INTS6: variants seen among roughly 807,000 people sequenced by gnomAD.
The protein encoded by INTS6 is integrator complex subunit 6, also known as DEAD box protein.
Under a neutral mutation model 104.9 loss-of-function variants are expected in INTS6, and 16 were observed. The ratio of observed to expected loss-of-function variants is 0.15; its 90% CI spans 0.10 to 0.23. The LOEUF (loss-of-function observed/expected upper bound fraction) is 0.23. INTS6 is among the 10% of genes least tolerant of loss of function. The pLI is 1.00. For missense variants in INTS6, 584 were observed against 1,062.8 expected (o/e 0.55, Z 6.26); for synonymous variants, 324 against 358.7 (o/e 0.90, Z 1.09).
the INTS6 span, among the ~76,000 whole-genome samples, chr13:51,336,693 A>G: frequency 0.025 from 3,801 of 152,252 alleles, 60 homozygotes; most frequent in South Asian, 0.057. Flanking sequence ...CTTATCAGGC[A>G]CCATGATAAG....
At chr13:51,430,411 C>A in intron 3 of INTS6, 28 bp from the exon 4 acceptor site, 1 of 1,566,212 alleles carries the variant, frequency 6.4e-7, no homozygotes, top group Non-Finnish European at 8.7e-7. Flanking sequence ...ATTGATCATA[C>A]AAAGATTTAG....
At chr13:51,404,121 G>GAC (rs1206656921) in intron 4 of INTS6, among the ~76,000 whole-genome samples, 113 of 149,850 alleles carry the variant, frequency 7.5e-4, no homozygotes, top group South Asian at 1.3e-3. Context: ...GAGAGAGAGA[G>GAC]AGACAACCCA....
intron 3 of INTS6, chr13:51,436,432 C>A (rs1020279284): frequency 1.3e-5 from 2 of 152,100 alleles, no homozygotes; most frequent in African/African-American, 2.4e-5. Flanking sequence ...TGTTCCGATA[C>A]AATTCCTTTA....
intron 4 of INTS6, among the ~76,000 whole-genome samples, chr13:51,397,043 G>A (rs1234892195): frequency 6.6e-6 from 1 of 152,030 alleles, no homozygotes; most frequent in Admixed American, 6.6e-5. Context: ...AAATACTGGA[G>A]TATATTTTTA....
chr13:51,374,482 T>C (rs2137885381), intron 14 of INTS6, 43 bp from the exon 15 acceptor site: 1 of 1,549,646 alleles, frequency 6.5e-7, no homozygotes, highest in Non-Finnish European at 8.8e-7. Context: ...TTACAAACAA[T>C]GTTTAAATGG....
chr13:51,451,720 G>GCGCCAGCGC (rs1953054008), intron 2 of INTS6: 2 of 192,212 alleles, frequency 1.0e-5, no homozygotes, highest in South Asian at 1.6e-4. Context: ...GTTGATAGCA[G>GCGCCAGCGC]CGCCGCCGCC....
chr13:51,376,173 T>A lies in INTS6; in HGVS notation c.1604A>T (p.Asp535Val). 6.2e-7 allele frequency: 1 copy of A among 1,602,534 alleles called. No individual in the cohort carries two copies. The highest frequency in any genetic ancestry group is 1.1e-5 in the South Asian group (1 of 88,222). ...TGFQVALLNKDLKPQTFRNAY... is the reference protein window; with the variant it reads ...TGFQVALLNKVLKPQTFRNAY... Reference sequence around the variant, plus strand: ...ATTTCTAAATGTCTGTGGCTTCAAATCCTATTAAACAACATTCGAGGACAA... The same window carrying A: ...ATTTCTAAATGTCTGTGGCTTCAAAACCTATTAAACAACATTCGAGGACAA... Residue 535 changes from aspartate (D) to valine (V), a missense_variant and splice_region_variant, in exon 13 of 18, where the codon GAT becomes GTT. Transcript: ENST00000311234.
chr13:51,385,764 C>A (rs1015930074), intron 7 of INTS6, among the ~76,000 whole-genome samples: 1 of 152,082 alleles, frequency 6.6e-6, no homozygotes, highest in Non-Finnish European at 1.5e-5. Flanking sequence ...TTTGCCAGTT[C>A]TTTCCAATAT....
At position 51,364,523 on chromosome 13, in the gene INTS6, CACAGCAGT is replaced by C; in HGVS notation, c.*1221_*1228del. 1 of 393,802 alleles carries C rather than the reference CACAGCAGT, an allele frequency of 2.5e-6. No individual in the cohort carries two copies. The highest frequency in any genetic ancestry group is 4.5e-6 in the Non-Finnish European group (1 of 221,240). The allele number at this position is 393,802 out of a possible 1,614,324, so 24.4% of individuals were successfully genotyped here. ...GCTTACCCCCCAAACCACTAAAAGG[CACAGCAGT>C]GATCATGAATGGTGAGTGAGTCAGG... On this transcript the variant is annotated 3_prime_UTR_variant, in exon 18 of 18. Transcript: ENST00000311234.
At chr13:51,342,178 C>CAAAAAAAA in the INTS6 span, among the ~76,000 whole-genome samples, 9 of 63,548 alleles carry the variant, frequency 1.4e-4, no homozygotes, top group African/African-American at 2.1e-4. Flanking sequence ...AAAGACAGAA[C>CAAAAAAAA]AAAAAAAAAA....
At chr13:51,366,881 G>A (rs990425834) in intron 17 of INTS6, among the ~76,000 whole-genome samples, 7 of 152,042 alleles carry the variant, frequency 4.6e-5, no homozygotes, top group African/African-American at 1.7e-4. Flanking sequence ...TAAGCCCCAA[G>A]TTTTCTTATA....
downstream of INTS6, among the ~76,000 whole-genome samples, chr13:51,352,434 G>A (rs1955413865): frequency 6.6e-6 from 1 of 151,134 alleles, no homozygotes; most frequent in Non-Finnish European, 1.5e-5. Flanking sequence ...AATCTTGTAT[G>A]CTGTACCTTA....
At chr13:51,403,466 C>T (rs1474327000) in intron 4 of INTS6, among the ~76,000 whole-genome samples, 1 of 151,754 alleles carries the variant, frequency 6.6e-6, no homozygotes, top group Non-Finnish European at 1.5e-5. Context: ...CCCGTAGTCC[C>T]AGCTACTCAG....
intron 4 of INTS6, among the ~76,000 whole-genome samples, chr13:51,400,016 G>A (rs1300175205): frequency 1.3e-5 from 2 of 152,198 alleles, no homozygotes; most frequent in African/African-American, 2.4e-5. Flanking sequence ...ATTACTGCCT[G>A]AGCTCCACCT....
intron 3 of INTS6, among the ~76,000 whole-genome samples, chr13:51,354,821 G>A (rs1955454832): frequency 6.6e-6 from 1 of 152,158 alleles, no homozygotes; most frequent in African/African-American, 2.4e-5. Context: ...AAGTCAATGG[G>A]AAGACTTAGA....
chr13:51,432,455 T>TAA (rs74263286), intron 3 of INTS6, among the ~76,000 whole-genome samples: 8 of 142,090 alleles, frequency 5.6e-5, no homozygotes, highest in Middle Eastern at 3.5e-3. Context: ...CACAATTTAT[T>TAA]AAAAAAAAAA....
chr13:51,413,457 TTAATCATA>T (rs1332965787), intron 4 of INTS6, among the ~76,000 whole-genome samples: 1 of 152,196 alleles, frequency 6.6e-6, no homozygotes, highest in Non-Finnish European at 1.5e-5. Context: ...CTTATCTCAT[TTAATCATA>T]TGACAACCAT....
chr13:51,450,964 G>A (rs1953030267), intron 3 of INTS6, 61 bp downstream of exon 3: 1 of 1,437,122 alleles, frequency 7.0e-7, no homozygotes, highest in Non-Finnish European at 9.2e-7. Context: ...TTTTTGGACT[G>A]GACTGTGTTT....
At chr13:51,408,161 G>A (rs1045990536) in intron 4 of INTS6, among the ~76,000 whole-genome samples, 1 of 91,642 alleles carries the variant, frequency 1.1e-5, no homozygotes, top group Non-Finnish European at 2.2e-5. Flanking sequence ...TTTTTTTTTT[G>A]AAATGGAGTT....
Sources: allele counts gnomAD v4.1 joint callset (sites outside exome capture counted in the v4.1 genomes callset), GRCh38; gene constraint gnomAD v4.1.1; transcripts MANE v1.5; gene names NCBI Gene and HGNC (gene_info 2026-07-23, HGNC 2026-07-21).